The following DZIP3 variants were observed in gnomAD, a reference collection of about 807,000 sequenced individuals.
The protein encoded by DZIP3 is E3 ubiquitin-protein ligase DZIP3.
DZIP3 carries 118 observed loss-of-function variants against 162.0 expected under a neutral mutation model. The observed-to-expected ratio is 0.73, with a 90% CI of 0.63 to 0.85. The LOEUF (loss-of-function observed/expected upper bound fraction) is 0.85. DZIP3 is among the 40% of genes least tolerant of loss of function. The pLI is 0.00. For synonymous variants in DZIP3, 438 were observed against 458.6 expected (o/e 0.96, Z 0.57); for missense variants, 1,331 against 1,407.0 (o/e 0.95, Z 0.86).
intron 19 of DZIP3, among the ~76,000 whole-genome samples, chr3:108,660,312 C>T (rs1272704421): frequency 5.3e-5 from 8 of 152,110 alleles, no homozygotes; most frequent in Non-Finnish European, 1.0e-4. Context: ...TGGAACAGAA[C>T]GGAGCCCTCA....
intron 1 of DZIP3, among the ~76,000 whole-genome samples, chr3:108,605,035 G>A (rs1487239667): frequency 2.0e-5 from 3 of 152,140 alleles, no homozygotes; most frequent in African/African-American, 7.2e-5. Context: ...CATTAAGAAT[G>A]TTTACTAGGA....
intron 26 of DZIP3, among the ~76,000 whole-genome samples, chr3:108,681,674 C>G (rs1025079947): frequency 7.9e-5 from 12 of 151,940 alleles, no homozygotes; most frequent in Non-Finnish European, 1.3e-4. Context: ...AGACTTGAAA[C>G]CAACCCAAAT....
At chr3:108,658,613 T>C (rs1943260258) in intron 19 of DZIP3, among the ~76,000 whole-genome samples, 1 of 152,096 alleles carries the variant, frequency 6.6e-6, no homozygotes, top group South Asian at 2.1e-4. Flanking sequence ...ATTCAAAAGC[T>C]AGCAGAAGGC....
intron 18 of DZIP3, among the ~76,000 whole-genome samples, chr3:108,652,489 T>C (rs1054979802): frequency 5.3e-5 from 8 of 151,898 alleles, no homozygotes; most frequent in Non-Finnish European, 8.8e-5. Context: ...ACCTCAGATA[T>C]GATGGTGGTC....
At chr3:108,689,010 G>A in intron 31 of DZIP3, 86 bp downstream of exon 31, 1 of 1,310,174 alleles carries the variant, frequency 7.6e-7, no homozygotes, top group Non-Finnish European at 1.1e-6. Context: ...ATTATCCATT[G>A]TTGTCTCACA....
Position 108,648,049 on chromosome 3 carries a change from T to C in DZIP3, c.1899T>C (p.Ile633=). The change falls in exon 16 of 33, where the codon ATT becomes ATC. Residue 633 remains isoleucine (I), a synonymous_variant. Coordinates refer to ENST00000361582, the MANE Select transcript of DZIP3 (RefSeq NM_014648.4). ...KSHPEIQFAE[I]NKDGTSIPSE... is the part of the protein sequence containing the mutation. ...ACCCTGAGATACAGTTTGCAGAAAT[T>C]AATAAAGATGGGACCTCAATACCCA... The C allele has an allele frequency of 6.2e-7, 1 of 1,612,390 alleles. No homozygotes were observed. Among genetic ancestry groups the C allele is most frequent in the Non-Finnish European group, 8.5e-7 (1 of 1,179,270 alleles).
intron 19 of DZIP3, among the ~76,000 whole-genome samples, chr3:108,656,273 C>T (rs1226575904): frequency 6.6e-6 from 1 of 152,178 alleles, no homozygotes. Flanking sequence ...CCTCACACGG[C>T]TGGGTACCCC....
At chr3:108,674,012 T>G in intron 23 of DZIP3, 66 bp from the exon 24 acceptor site, 1 of 1,203,494 alleles carries the variant, frequency 8.3e-7, no homozygotes, top group South Asian at 1.2e-5. Context: ...TTGAGATGAT[T>G]GAGAAGAGAA....
intron 19 of DZIP3, among the ~76,000 whole-genome samples, chr3:108,660,125 T>C (rs570917851): frequency 3.5e-4 from 54 of 152,240 alleles, no homozygotes; most frequent in African/African-American, 1.2e-3. Context: ...TTTCACAGAA[T>C]TGGAAAAAAC....
chr3:108,640,949 G>GT (rs370448971), intron 12 of DZIP3, among the ~76,000 whole-genome samples: 2,168 of 145,782 alleles, frequency 0.015, 51 homozygotes, highest in African/African-American at 0.051. Flanking sequence ...CTTTTAAATT[G>GT]TTTTTTTTTT....
At chr3:108,610,563 C>T (rs1379794788) in intron 3 of DZIP3, among the ~76,000 whole-genome samples, 1 of 152,176 alleles carries the variant, frequency 6.6e-6, no homozygotes, top group Non-Finnish European at 1.5e-5. Context: ...CAGAGATCAA[C>T]AGCAACATAA....
At chr3:108,610,561 A>G (rs1415334552) in intron 3 of DZIP3, among the ~76,000 whole-genome samples, 8 of 152,348 alleles carry the variant, frequency 5.3e-5, no homozygotes, top group Middle Eastern at 3.4e-3. Context: ...TTCAGAGATC[A>G]ACAGCAACAT....
chr3:108,674,062 T>C lies in DZIP3; in HGVS notation c.2590-16T>C. On this transcript the variant is annotated splice_polypyrimidine_tract_variant and intron_variant, in intron 23 of 32. Transcript: ENST00000361582. ...CACACCTTCAACTTCTTTCTCTTTC[T>C]CTCAAAAACCTGTAGGTGTATTTCT... is the stretch of plus-strand genomic sequence containing the variant. 1 of 1,587,076 alleles carries C rather than the reference T, an allele frequency of 6.3e-7. No homozygotes were observed. Among genetic ancestry groups the C allele is most frequent in the Non-Finnish European group, 8.6e-7 (1 of 1,157,640 alleles).
rs1247001013 is a variant in DZIP3, at chr3:108,657,816, CA to C, written c.2199+3513del. On this transcript the variant is annotated intron_variant, in intron 19 of 32. Transcript: ENST00000361582. ...GAAGATCTACCAAGCAAATGGAAAA[CA>C]AAAAAAGGCAGGGGTTGCAATCCTA... Among the ~76,000 whole-genome samples, 4 of 151,662 alleles carry C rather than the reference CA, an allele frequency of 2.6e-5. No individual in the cohort carries two copies. In the East Asian group the frequency reaches 7.7e-4, roughly 29 times the overall value.
intron 1 of DZIP3, among the ~76,000 whole-genome samples, chr3:108,593,524 G>C (rs1939538833): frequency 6.6e-6 from 1 of 152,084 alleles, no homozygotes; most frequent in African/African-American, 2.4e-5. Context: ...GAAATTGGAA[G>C]TGTTTCATCT....
chr3:108,593,497 A>G (rs1939537441), intron 1 of DZIP3, among the ~76,000 whole-genome samples: 1 of 152,112 alleles, frequency 6.6e-6, no homozygotes, highest in Non-Finnish European at 1.5e-5. Context: ...TTTGAATTAT[A>G]TGTTACCATT....
intron 18 of DZIP3, among the ~76,000 whole-genome samples, chr3:108,653,507 G>GTATATATATATATA (rs57047978): frequency 2.0e-3 from 204 of 104,472 alleles, no homozygotes; most frequent in Non-Finnish European, 2.7e-3. Flanking sequence ...GTGTGTGTGT[G>GTATATATATATATA]TATATATATA....
At chr3:108,597,414 G>A (rs1939768308) in intron 1 of DZIP3, among the ~76,000 whole-genome samples, 1 of 150,492 alleles carries the variant, frequency 6.6e-6, no homozygotes, top group Non-Finnish European at 1.5e-5. Flanking sequence ...TTTTTTTAAT[G>A]CAAGTACTAT....
intron 21 of DZIP3, among the ~76,000 whole-genome samples, chr3:108,663,809 C>T (rs556472237): frequency 1.3e-5 from 2 of 152,270 alleles, no homozygotes; most frequent in Non-Finnish European, 2.9e-5. Flanking sequence ...ACAAAATGAA[C>T]ATTTCGTGTT....
Sources: allele counts gnomAD v4.1 joint callset (sites outside exome capture counted in the v4.1 genomes callset), GRCh38; gene constraint gnomAD v4.1.1; transcripts MANE v1.5; gene names NCBI Gene and HGNC (gene_info 2026-07-23, HGNC 2026-07-21).